Variants in FARP1 observed in about 807,000 individuals in gnomAD.
FARP1 encodes the protein FERM, ARH/RhoGEF and pleckstrin domain protein 1.
Under a neutral mutation model 128.8 loss-of-function variants are expected in FARP1, and 52 were observed. The ratio of observed to expected loss-of-function variants is 0.40; its 90% CI spans 0.32 to 0.51. FARP1 has a LOEUF of 0.51. Among genes scored for constraint, FARP1 ranks in the 20% least tolerant of loss-of-function variants. The pLI is 0.45. For synonymous variants in FARP1, 580 were observed against 551.8 expected (o/e 1.05, Z -0.72); for missense variants, 1,333 against 1,367.9 (o/e 0.97, Z 0.40).
intron 2 of FARP1, among the ~76,000 whole-genome samples, chr13:98,235,959 G>A (rs1251070440): frequency 6.6e-6 from 1 of 151,882 alleles, no homozygotes; most frequent in East Asian, 1.9e-4. Flanking sequence ...GAGTAGCTGG[G>A]ATTACAGGCA....
rs1228912878 is a variant in FARP1 at position 98,452,408 on chromosome 13, C to G, written c.*4091C>G. 1 of 152,488 alleles carries G rather than the reference C, an allele frequency of 6.6e-6. No homozygotes were observed. Among genetic ancestry groups the G allele is most frequent in the East Asian group, 1.9e-4 (1 of 5,194 alleles). The allele number at this position is 152,488 out of a possible 1,614,324, so 9.4% of individuals were successfully genotyped here. A position where few individuals can be genotyped will look rare whatever the true frequency, so the allele number is the denominator to read the frequency against. ...CAATTTAAAACACTAAGAAATAGTACCATCGATGAAAAAGGAAATCAACCT... is the reference window on the plus strand; with the variant it reads ...CAATTTAAAACACTAAGAAATAGTAGCATCGATGAAAAAGGAAATCAACCT... On this transcript the variant is annotated 3_prime_UTR_variant, in exon 27 of 27. Transcript: ENST00000319562.
At chr13:98,282,442 G>A (rs1884979405) in intron 2 of FARP1, among the ~76,000 whole-genome samples, 2 of 152,154 alleles carry the variant, frequency 1.3e-5, no homozygotes, top group Admixed American at 1.3e-4. Context: ...CTCTACAAAA[G>A]TAAATAGTAA....
At chr13:98,361,171 C>G (rs975182442) in intron 3 of FARP1, among the ~76,000 whole-genome samples, 2 of 152,200 alleles carry the variant, frequency 1.3e-5, no homozygotes, top group Non-Finnish European at 2.9e-5. Flanking sequence ...TGCCCCAGAC[C>G]TTCTCCCTCA....
intron 1 of FARP1, among the ~76,000 whole-genome samples, chr13:98,186,035 A>G (rs1467612921): frequency 1.3e-5 from 2 of 152,030 alleles, no homozygotes; most frequent in East Asian, 2.0e-4. Context: ...CATGCAGCAC[A>G]GTGGTATTCA....
At chr13:98,154,462 C>T (rs1876358763) in intron 1 of FARP1, among the ~76,000 whole-genome samples, 1 of 152,092 alleles carries the variant, frequency 6.6e-6, no homozygotes, top group African/African-American at 2.4e-5. Context: ...TTCTTGGACT[C>T]TCTGGCAGAG....
At chr13:98,289,340 C>A (rs537837697) in intron 2 of FARP1, among the ~76,000 whole-genome samples, 1 of 152,172 alleles carries the variant, frequency 6.6e-6, no homozygotes, top group Admixed American at 6.5e-5. Context: ...AGTGGTTACC[C>A]GTAAAATGGA....
chr13:98,367,325 T>G (rs1889130765), intron 4 of FARP1, among the ~76,000 whole-genome samples: 1 of 152,108 alleles, frequency 6.6e-6, no homozygotes, highest in Non-Finnish European at 1.5e-5. Context: ...CCTGACTAAT[T>G]TTTAGTACAG....
In FARP1 at chr13:98,261,312, A is replaced by G. The variant is rs1436131182; in HGVS notation, c.171+47899A>G. ...CCCTGAGCTGTGGGTGACTACAGCA[A>G]CTGGGGGATTTGTCAGGACCTGGCC... On this transcript the variant is annotated intron_variant, in intron 2 of 26. Coordinates refer to ENST00000319562, the MANE Select transcript of FARP1 (RefSeq NM_005766.4). Among the ~76,000 whole-genome samples, 6 of 151,096 alleles carry G rather than the reference A, an allele frequency of 4.0e-5. No homozygotes were observed. The East Asian group carries it at 7.8e-4, about 20-fold the overall frequency.
At chr13:98,224,186 TTTCC>T (rs1486507084) in intron 2 of FARP1, among the ~76,000 whole-genome samples, 78 of 152,248 alleles carry the variant, frequency 5.1e-4, no homozygotes, top group African/African-American at 1.7e-3. Context: ...GCTGAATTAC[TTTCC>T]CAGGGCAGCC....
chr13:98,233,191 G>A (rs1320061466), intron 2 of FARP1, among the ~76,000 whole-genome samples: 1 of 152,244 alleles, frequency 6.6e-6, no homozygotes, highest in African/African-American at 2.4e-5. Flanking sequence ...TTAAGAGGGA[G>A]TGGTGTTAAT....
chr13:98,241,845 G>A (rs1290833512), intron 2 of FARP1, among the ~76,000 whole-genome samples: 1 of 152,176 alleles, frequency 6.6e-6, no homozygotes, highest in Non-Finnish European at 1.5e-5. Context: ...CTTGAACCCA[G>A]GAGGTGGAGG....
Position 98,287,208 on chromosome 13 carries a change from C to CTTTTT in FARP1, c.172-56518_172-56514dup, listed in dbSNP as rs71111939. Reference sequence around the variant, plus strand: ...TTTCCAAATTAACCATCAGACATGTCTTTTTTTTTTTTTTTTTTTTTTTTT... The same window carrying CTTTTT: ...TTTCCAAATTAACCATCAGACATGTCTTTTTTTTTTTTTTTTTTTTTTTTTTTTTT... On this transcript the variant is annotated intron_variant, in intron 2 of 26. Coordinates refer to ENST00000319562, the MANE Select transcript of FARP1 (RefSeq NM_005766.4). Among the ~76,000 whole-genome samples the CTTTTT allele has an allele frequency of 2.0e-3, 155 of 75,826 alleles. 7 individuals are homozygous for CTTTTT. Among genetic ancestry groups the CTTTTT allele is most frequent in the Middle Eastern group, 7.2e-3 (1 of 138 alleles). 49.7% of individuals were successfully genotyped at this position (75,826 alleles called of 152,430 possible).
chr13:98,258,369 T>G (rs1322777429), intron 2 of FARP1, among the ~76,000 whole-genome samples: 1 of 152,216 alleles, frequency 6.6e-6, no homozygotes. Context: ...CCTGTACTTT[T>G]AACTCTGAAG....
Position 98,213,431 on chromosome 13 carries a change from C to T in FARP1, c.171+18C>T, listed in dbSNP as rs1268666759. The stretch of plus-strand genomic sequence containing the variant: ...AAGTTCCAGTAAGTTGGGGGCTTAT[C>T]TGTAACCCAGGAGTGTGGTAGGGGA... On this transcript the variant is annotated intron_variant, in intron 2 of 26. Coordinates refer to ENST00000319562, the MANE Select transcript of FARP1 (RefSeq NM_005766.4). 2 of 1,610,926 alleles carry T rather than the reference C, an allele frequency of 1.2e-6. No homozygotes were observed. The highest frequency in any genetic ancestry group is 2.2e-5 in the East Asian group (1 of 44,834).
chr13:98,162,989 A>G (rs1876991562), intron 1 of FARP1, among the ~76,000 whole-genome samples: 1 of 152,206 alleles, frequency 6.6e-6, no homozygotes, highest in African/African-American at 2.4e-5. Flanking sequence ...CCCCCAAAAT[A>G]TAAGTCATTC....
At position 98,283,719 on chromosome 13, in the gene FARP1, A is replaced by T. The variant is rs1433657795; in HGVS notation, c.172-60043A>T. ...CTTTAAGTGAAATTTTCCTCAGCCT[A>T]TAATGTGGTTAGTTTATATATCTCT... On this transcript the variant is annotated intron_variant, in intron 2 of 26. Coordinates refer to ENST00000319562, the MANE Select transcript of FARP1 (RefSeq NM_005766.4). Among the ~76,000 whole-genome samples the T allele has an allele frequency of 2.0e-5, 3 of 152,194 alleles. No individual in the cohort carries two copies. In the East Asian group the frequency reaches 5.8e-4, roughly 29 times the overall value.
intron 1 of FARP1, among the ~76,000 whole-genome samples, chr13:98,152,450 C>A (rs1404874779): frequency 2.6e-5 from 4 of 152,218 alleles, no homozygotes; most frequent in Non-Finnish European, 5.9e-5. Context: ...GATGTGATGC[C>A]TGGAATCACA....
chr13:98,384,937 CTA>C (rs1890042250), intron 7 of FARP1, 93 bp downstream of exon 7: 1 of 757,404 alleles, frequency 1.3e-6, no homozygotes, highest in African/African-American at 1.7e-5. Flanking sequence ...CCCACACAAA[CTA>C]TTGTGGAGAA....
intron 1 of FARP1, among the ~76,000 whole-genome samples, chr13:98,168,456 T>C (rs1478492916): frequency 6.6e-6 from 1 of 152,248 alleles, no homozygotes; most frequent in Non-Finnish European, 1.5e-5. Context: ...TCATTAGATA[T>C]CCTGTTTCAT....
Sources: gnomAD v4.1 joint callset for allele counts (sites outside exome capture counted in the v4.1 genomes callset) on GRCh38, gnomAD v4.1.1 for gene constraint, MANE v1.5 for transcripts, NCBI Gene and HGNC (gene_info 2026-07-23, HGNC 2026-07-21) for gene names.